Variants in CHMP3 observed in about 807,000 individuals in gnomAD.
The protein encoded by CHMP3 is 25.1 protein.
A neutral mutation model predicts 27.4 loss-of-function variants in CHMP3; 8 were observed. The observed-to-expected ratio is 0.29, with a 90% CI of 0.17 to 0.53. The LOEUF (loss-of-function observed/expected upper bound fraction) is 0.53. Among genes scored for constraint, CHMP3 ranks in the 20% least tolerant of loss-of-function variants. CHMP3 has a pLI of 0.96. For synonymous variants in CHMP3, 86 were observed against 85.5 expected (o/e 1.01, Z -0.03); for missense variants, 208 against 271.5 (o/e 0.77, Z 1.64).
chr2:86,562,044 A>G (rs1677390994), intron 1 of CHMP3: 1 of 152,234 alleles, frequency 6.6e-6, no homozygotes, highest in Admixed American at 6.5e-5. Flanking sequence ...AAGTGATGTT[A>G]TACCGTTATT....
At chr2:86,563,176 G>T in intron 1 of CHMP3, 128 bp downstream of exon 1, 1 of 1,126,096 alleles carries the variant, frequency 8.9e-7, no homozygotes, top group Non-Finnish European at 1.3e-6. Flanking sequence ...CTGTCGAGTG[G>T]GAGTCCCCGG....
intron 4 of CHMP3, 26 bp downstream of exon 4, chr2:86,510,332 G>T (rs748080850): frequency 2.0e-6 from 3 of 1,500,826 alleles, no homozygotes; most frequent in Non-Finnish European, 2.7e-6. Flanking sequence ...GGTTTGGAAA[G>T]GAAAGCAGGG....
rs1675645430 is a variant in CHMP3, at chr2:86,525,011, G to A, written c.286+4207C>T. ...CTACTTATTTACAGAGTGCTATCAT[G>A]CTATATATACTGTTCTGCAACTTGC... On this transcript the variant is annotated intron_variant, in intron 3 of 5. Coordinates refer to ENST00000263856, the MANE Select transcript of CHMP3 (RefSeq NM_016079.4). Among the ~76,000 whole-genome samples the A allele has an allele frequency of 3.9e-5, 6 of 152,066 alleles. 1 individual carries two copies. The highest frequency in any genetic ancestry group is 3.9e-4 in the Admixed American group (6 of 15,266).
In CHMP3 at chr2:86,536,549, C is replaced by T. The variant is rs149955674; in HGVS notation, c.106+5703G>A. On this transcript the variant is annotated intron_variant, in intron 2 of 5. Transcript: ENST00000263856. ...CACTGCTTTCTGGCCTCTAATGTTT[C>T]GGATGAGAAATCTTCTAAAATCTTA... Among the ~76,000 whole-genome samples the T allele has an allele frequency of 1.9e-4, 29 of 152,282 alleles. No homozygotes were observed. In the East Asian group the frequency reaches 4.3e-3, roughly 22 times the overall value.
intron 3 of CHMP3, chr2:86,511,535 T>C (rs1379533743): frequency 6.6e-6 from 1 of 151,358 alleles, no homozygotes; most frequent in Non-Finnish European, 1.5e-5. Flanking sequence ...TAATTACTTT[T>C]ATAAATTTAC....
At chr2:86,559,437 C>T (rs1357317476) in intron 1 of CHMP3, among the ~76,000 whole-genome samples, 2 of 152,214 alleles carry the variant, frequency 1.3e-5, no homozygotes, top group African/African-American at 4.8e-5. Context: ...TAAATTCCCT[C>T]TCAACTACCT....
chr2:86,545,661 G>A (rs1381670078), intron 1 of CHMP3, among the ~76,000 whole-genome samples: 16 of 150,778 alleles, frequency 1.1e-4, no homozygotes, highest in Non-Finnish European at 1.9e-4. Context: ...CAGACGGGGT[G>A]GCCGGGCAGA....
intron 3 of CHMP3, among the ~76,000 whole-genome samples, chr2:86,520,886 A>G (rs1675495463): frequency 6.6e-6 from 1 of 152,182 alleles, no homozygotes; most frequent in African/African-American, 2.4e-5. Context: ...ATCCCCTGTG[A>G]CTTGCACGTA....
At chr2:86,529,087 T>C in intron 3 of CHMP3, 131 bp downstream of exon 3, 1 of 1,034,386 alleles carries the variant, frequency 9.7e-7, no homozygotes, top group East Asian at 2.9e-5. Context: ...TTTGCATTTC[T>C]ACAACACTCA....
chr2:86,536,802 TTCTC>T (rs1212750076), intron 2 of CHMP3, among the ~76,000 whole-genome samples: 3 of 152,182 alleles, frequency 2.0e-5, no homozygotes, highest in African/African-American at 2.4e-5. Context: ...CTCTGCACCT[TTCTC>T]TCTCTCTTCT....
At chr2:86,516,356 G>C (rs983077621) in intron 3 of CHMP3, among the ~76,000 whole-genome samples, 2 of 152,092 alleles carry the variant, frequency 1.3e-5, no homozygotes, top group Non-Finnish European at 2.9e-5. Context: ...TGAAGACACA[G>C]AAAAGTAGAG....
At chr2:86,540,104 TG>T (rs1676304335) in intron 2 of CHMP3, among the ~76,000 whole-genome samples, 1 of 152,072 alleles carries the variant, frequency 6.6e-6, no homozygotes, top group Non-Finnish European at 1.5e-5. Flanking sequence ...TTTGTCTTTT[TG>T]GGGGGTTATC....
intron 2 of CHMP3, among the ~76,000 whole-genome samples, chr2:86,532,910 CTGA>C (rs1457444792): frequency 2.0e-5 from 3 of 152,144 alleles, no homozygotes; most frequent in Non-Finnish European, 4.4e-5. Context: ...GCATCTTTGT[CTGA>C]TATGATATCA....
At chr2:86,522,770 C>T (rs1048656352) in intron 3 of CHMP3, among the ~76,000 whole-genome samples, 2 of 152,222 alleles carry the variant, frequency 1.3e-5, no homozygotes, top group African/African-American at 4.8e-5. Flanking sequence ...TCCCTCCCTG[C>T]ACCTGTGCTC....
intron 1 of CHMP3, among the ~76,000 whole-genome samples, chr2:86,560,190 A>C (rs1364658958): frequency 1.3e-5 from 2 of 152,096 alleles, no homozygotes; most frequent in Non-Finnish European, 2.9e-5. Flanking sequence ...CCTTGAACCC[A>C]GGAGGCGGAG....
chr2:86,529,264 G>A lies in CHMP3; in HGVS notation c.240C>T (p.Ser80=). ...TGAGCACTGAGTTCATGTGTGCTTT[G>A]GATGCATACAGCTTGCTCACAGCCT... ...SRKAVSKLYA[S]KAHMNSVLMG... Residue 80 remains serine (S), a synonymous_variant, in exon 3 of 6, where the codon TCC becomes TCT. Transcript: ENST00000263856. 1 of 1,613,094 alleles carries A rather than the reference G, an allele frequency of 6.2e-7. No homozygotes were observed. The highest frequency in any genetic ancestry group is 8.5e-7 in the Non-Finnish European group (1 of 1,179,626).
intron 5 of CHMP3, chr2:86,506,995 TC>T (rs1257564201): frequency 6.6e-6 from 1 of 152,006 alleles, no homozygotes; most frequent in African/African-American, 2.4e-5. Flanking sequence ...TTCATTAAAC[TC>T]CCAGAAGTCA....
In CHMP3 at chr2:86,505,834, C is replaced by T. The variant is rs1208087749; in HGVS notation, c.639G>A (p.Met213Ile). 1.9e-6 allele frequency: 3 copies of T among 1,597,788 alleles called. No homozygotes were observed. The highest frequency in any genetic ancestry group is 1.7e-4 in the Middle Eastern group (1 of 5,826). The change falls in exon 6 of 6, where the codon ATG (methionine) becomes ATA (isoleucine). Residue 213 changes from methionine (M) to isoleucine (I), a missense_variant. Met to Ile is a conservative substitution (Grantham distance 10). Transcript: ENST00000263856. The part of the protein sequence containing the change: ...EEEEEEALEA[M>I]QSRLATLRS The stretch of plus-strand genomic sequence containing the variant: ...TGCGGAGTGTGGCCAGCCGGGACTG[C>T]ATGGCCTCCAGAGCCTCTTCCTCCT...
intron 1 of CHMP3, among the ~76,000 whole-genome samples, chr2:86,553,397 T>A (rs2104032910): frequency 6.6e-6 from 1 of 152,214 alleles, no homozygotes; most frequent in East Asian, 1.9e-4. Flanking sequence ...AGTGGCACAA[T>A]CTAGGCTCAC....
Sources: gnomAD v4.1 joint callset for allele counts (sites outside exome capture counted in the v4.1 genomes callset) on GRCh38, gnomAD v4.1.1 for gene constraint, MANE v1.5 for transcripts, NCBI Gene and HGNC (gene_info 2026-07-23, HGNC 2026-07-21) for gene names.